MGMT: variants seen among roughly 807,000 people sequenced by gnomAD.
MGMT encodes the protein O-6-methylguanine-DNA methyltransferase.
In MGMT, 14 loss-of-function variants were observed where a neutral mutation model predicts 15.9. That is an observed-to-expected ratio of 0.88 (90% confidence interval 0.58 to 1.37). MGMT has a LOEUF of 1.37. MGMT is among the 40% of genes most tolerant of loss of function. The pLI is 0.00. For missense variants in MGMT, 282 were observed against 268.1 expected (o/e 1.05, Z -0.36); for synonymous variants, 130 against 118.2 (o/e 1.10, Z -0.65).
At chr10:129,467,566 C>A in intron 1 of MGMT, 1 of 393,362 alleles carries the variant, frequency 2.5e-6, no homozygotes, top group Non-Finnish European at 3.5e-6. Context: ...CCTGCCTTAC[C>A]TCTAGGTGCC....
chr10:129,747,205 C>T (rs1848704457), intron 3 of MGMT, among the ~76,000 whole-genome samples: 1 of 152,142 alleles, frequency 6.6e-6, no homozygotes, highest in South Asian at 2.1e-4. Context: ...TGGGTATTTT[C>T]CCATAGACAA....
intron 2 of MGMT, among the ~76,000 whole-genome samples, chr10:129,550,569 C>A (rs1364397330): frequency 3.3e-5 from 5 of 152,070 alleles, no homozygotes; most frequent in Admixed American, 1.3e-4. Context: ...GCCTCAGCCC[C>A]CCAAGTAGCT....
At chr10:129,497,406 T>C (rs779170343) in intron 1 of MGMT, among the ~76,000 whole-genome samples, 1 of 152,206 alleles carries the variant, frequency 6.6e-6, no homozygotes, top group Non-Finnish European at 1.5e-5. Context: ...TGTTTCTGAA[T>C]GGCAGGACTT....
At chr10:129,732,169 T>G (rs886667276) in intron 3 of MGMT, among the ~76,000 whole-genome samples, 2 of 152,076 alleles carry the variant, frequency 1.3e-5, no homozygotes, top group African/African-American at 2.4e-5. Context: ...ATTTTTTTTA[T>G]TATACTTTAA....
At chr10:129,557,611 C>G (rs1846229027) in intron 2 of MGMT, among the ~76,000 whole-genome samples, 1 of 152,066 alleles carries the variant, frequency 6.6e-6, no homozygotes, top group Non-Finnish European at 1.5e-5. Context: ...ATGCAGAAAT[C>G]TCTGGATTTT....
intron 1 of MGMT, among the ~76,000 whole-genome samples, chr10:129,497,764 C>T (rs1845537128): frequency 6.6e-6 from 1 of 152,152 alleles, no homozygotes; most frequent in South Asian, 2.1e-4. Flanking sequence ...AGGCTGGAGC[C>T]CTCAGAATGG....
intron 2 of MGMT, among the ~76,000 whole-genome samples, chr10:129,634,424 A>AT (rs1255651279): frequency 6.6e-6 from 1 of 152,066 alleles, no homozygotes; most frequent in Non-Finnish European, 1.5e-5. Flanking sequence ...CTTCAAATAT[A>AT]TTTTTTTCCT....
chr10:129,643,294 C>G (rs986426893), intron 2 of MGMT, among the ~76,000 whole-genome samples: 2 of 152,078 alleles, frequency 1.3e-5, no homozygotes, highest in African/African-American at 4.8e-5. Context: ...AAGTTTGATT[C>G]AAGGAGAAAA....
chr10:129,726,291 T>A (rs1848432455), intron 3 of MGMT, among the ~76,000 whole-genome samples: 1 of 152,034 alleles, frequency 6.6e-6, no homozygotes, highest in African/African-American at 2.4e-5. Context: ...AGGGGTAAAT[T>A]TACTGGGAAG....
intron 2 of MGMT, among the ~76,000 whole-genome samples, chr10:129,541,974 A>G (rs1846046783): frequency 1.3e-5 from 2 of 152,158 alleles, no homozygotes; most frequent in South Asian, 4.1e-4. Flanking sequence ...TAGGGCCTTC[A>G]GTCACCAGCT....
intron 2 of MGMT, among the ~76,000 whole-genome samples, chr10:129,570,421 C>T (rs1025674195): frequency 2.6e-5 from 4 of 152,268 alleles, no homozygotes; most frequent in Non-Finnish European, 4.4e-5. Flanking sequence ...CCTGGGCCTC[C>T]GGCCACGGTC....
chr10:129,537,880 C>T (rs1452543469), intron 2 of MGMT, among the ~76,000 whole-genome samples: 1 of 152,158 alleles, frequency 6.6e-6, no homozygotes, highest in Non-Finnish European at 1.5e-5. Flanking sequence ...AACTTGGGCT[C>T]CTCTGAGCTT....
intron 1 of MGMT, among the ~76,000 whole-genome samples, chr10:129,516,212 G>T (rs1450116878): frequency 6.6e-6 from 1 of 152,236 alleles, no homozygotes; most frequent in South Asian, 2.1e-4. Flanking sequence ...TTCTGTCTTT[G>T]ATGTCTGTAT....
At chr10:129,617,764 T>C (rs1336341251) in intron 2 of MGMT, among the ~76,000 whole-genome samples, 1 of 141,832 alleles carries the variant, frequency 7.1e-6, no homozygotes, top group African/African-American at 2.6e-5. Context: ...CTTTGCCCAC[T>C]TTTTTTTTAC....
intron 1 of MGMT, among the ~76,000 whole-genome samples, chr10:129,499,245 A>G (rs547094958): frequency 4.6e-5 from 7 of 152,342 alleles, no homozygotes; most frequent in African/African-American, 1.7e-4. Context: ...AATTTTCTAT[A>G]GAATTCTCTG....
At chr10:129,749,349 T>G (rs1446257863) in intron 3 of MGMT, among the ~76,000 whole-genome samples, 2 of 152,216 alleles carry the variant, frequency 1.3e-5, no homozygotes, top group Non-Finnish European at 2.9e-5. Context: ...TATATAGTTT[T>G]GCTTCTTCCA....
intron 2 of MGMT, among the ~76,000 whole-genome samples, chr10:129,653,534 G>C (rs1847486788): frequency 6.6e-6 from 1 of 152,246 alleles, no homozygotes; most frequent in Non-Finnish European, 1.5e-5. Context: ...GCCCGTGTGG[G>C]AGGGGTAACG....
rs560313906 is a variant in MGMT, at chr10:129,761,527, A to G, written c.414+2186A>G. ...CCTGCTTGTGGCGATATTCGGAGAC[A>G]TTTATTGTTCTGCAAACCAGCGTGA... On this transcript the variant is annotated intron_variant, in intron 4 of 4. Coordinates refer to ENST00000651593, the MANE Select transcript of MGMT (RefSeq NM_002412.5). 1.6e-4 allele frequency among the ~76,000 whole-genome samples: 24 copies of G among 152,214 alleles called. 1 individual carries two copies. The highest frequency in any genetic ancestry group is 2.9e-4 in the Non-Finnish European group (20 of 68,046).
intron 2 of MGMT, among the ~76,000 whole-genome samples, chr10:129,650,138 GTGTT>G (rs1285247405): frequency 6.6e-6 from 1 of 152,176 alleles, no homozygotes; most frequent in African/African-American, 2.4e-5. Flanking sequence ...TTACTTCTGA[GTGTT>G]TGGGGGCTTC....
Sources: gnomAD v4.1 joint callset for allele counts (sites outside exome capture counted in the v4.1 genomes callset) on GRCh38, gnomAD v4.1.1 for gene constraint, MANE v1.5 for transcripts, NCBI Gene and HGNC (gene_info 2026-07-23, HGNC 2026-07-21) for gene names.